PTPRD: variants seen among roughly 807,000 people sequenced by gnomAD.
The protein encoded by PTPRD is receptor-type tyrosine-protein phosphatase delta.
A neutral mutation model predicts 214.5 loss-of-function variants in PTPRD; 34 were observed. The observed-to-expected ratio is 0.16, with a 90% CI of 0.12 to 0.21. The LOEUF is 0.21. PTPRD is among the 10% of genes least tolerant of loss of function. The pLI is 1.00. For missense variants in PTPRD, 2,545 were observed against 2,398.7 expected (o/e 1.06, Z -1.27); for synonymous variants, 1,128 against 845.7 (o/e 1.33, Z -5.79).
chr9:9,343,668 A>T (rs1448479407), intron 9 of PTPRD, among the ~76,000 whole-genome samples: 1 of 152,168 alleles, frequency 6.6e-6, no homozygotes, highest in Non-Finnish European at 1.5e-5. Flanking sequence ...CATTATATCA[A>T]ACAAGCAGTG....
At chr9:8,465,422 T>C in intron 32 of PTPRD, 44 bp downstream of exon 32, 2 of 1,553,842 alleles carry the variant, frequency 1.3e-6, no homozygotes, top group African/African-American at 2.7e-5. Flanking sequence ...AGTGAAAATG[T>C]ATAAGCGTAC....
intron 8 of PTPRD, among the ~76,000 whole-genome samples, chr9:9,554,291 T>A (rs2081000999): frequency 6.6e-6 from 1 of 152,058 alleles, no homozygotes; most frequent in Non-Finnish European, 1.5e-5. Context: ...GATTTGAGCA[T>A]TTTATGGGTG....
intron 12 of PTPRD, among the ~76,000 whole-genome samples, chr9:8,708,472 G>A (rs1189449409): frequency 1.3e-5 from 2 of 151,806 alleles, no homozygotes; most frequent in Admixed American, 6.6e-5. Flanking sequence ...TCAGGAGTTC[G>A]AGACCAGCCT....
At chr9:8,759,619 T>TA (rs993754542) in intron 11 of PTPRD, among the ~76,000 whole-genome samples, 6 of 114,574 alleles carry the variant, frequency 5.2e-5, no homozygotes, top group African/African-American at 1.6e-4. Context: ...ACATTTCTTT[T>TA]TTTTTTTTTT....
intron 8 of PTPRD, among the ~76,000 whole-genome samples, chr9:9,496,953 G>A (rs62533233): frequency 0.062 from 9,422 of 152,170 alleles, 353 homozygotes; most frequent in Non-Finnish European, 0.091. Context: ...CTACAACATG[G>A]ATTTTGAGGA....
chr9:9,876,428 C>T (rs941360269), intron 5 of PTPRD, among the ~76,000 whole-genome samples: 1 of 152,006 alleles, frequency 6.6e-6, no homozygotes, highest in Non-Finnish European at 1.5e-5. Context: ...TATATTTAAA[C>T]GGAGCTGTGA....
intron 5 of PTPRD, among the ~76,000 whole-genome samples, chr9:9,928,444 T>C (rs1464523118): frequency 2.0e-5 from 3 of 152,256 alleles, no homozygotes; most frequent in Middle Eastern, 3.4e-3. Context: ...TGAACAATGC[T>C]GATTTGATGG....
chr9:10,007,238 T>C (rs2096497924), intron 4 of PTPRD, among the ~76,000 whole-genome samples: 1 of 151,996 alleles, frequency 6.6e-6, no homozygotes, highest in Admixed American at 6.6e-5. Context: ...TCATTTTGCT[T>C]CATTTTTATT....
intron 34 of PTPRD, among the ~76,000 whole-genome samples, chr9:8,444,798 T>C (rs2095663617): frequency 6.6e-6 from 1 of 152,156 alleles, no homozygotes; most frequent in South Asian, 2.1e-4. Flanking sequence ...CTAAAGTAAT[T>C]TGGAAATTGT....
chr9:8,436,111 A>G lies in PTPRD; in HGVS notation c.4086+481T>C, dbSNP rs140695142. ...TAGGAACTGAAAAATCAGAAGACAA[A>G]TACTGCATGATCTCATTTATATGTG... On this transcript the variant is annotated intron_variant, in intron 35 of 45. Coordinates refer to ENST00000381196, the MANE Select transcript of PTPRD (RefSeq NM_002839.4). 2.3e-3 allele frequency among the ~76,000 whole-genome samples: 346 copies of G among 152,304 alleles called. 1 individual carries two copies. Among genetic ancestry groups the G allele is most frequent in the African/African-American group, 7.0e-3 (292 of 41,564 alleles).
chr9:10,480,189 T>C (rs1855852), intron 2 of PTPRD, among the ~76,000 whole-genome samples: 1 of 151,938 alleles, frequency 6.6e-6, no homozygotes, highest in Non-Finnish European at 1.5e-5. Context: ...TCAGATGATG[T>C]CCTATTCTCG....
intron 9 of PTPRD, among the ~76,000 whole-genome samples, chr9:9,248,061 G>A (rs2099973840): frequency 1.3e-5 from 2 of 151,758 alleles, no homozygotes; most frequent in East Asian, 2.0e-4. Flanking sequence ...TTGAGTAAAC[G>A]GAGGAAGCAA....
intron 7 of PTPRD, among the ~76,000 whole-genome samples, chr9:9,721,019 A>T (rs866681514): frequency 6.6e-6 from 1 of 152,206 alleles, no homozygotes; most frequent in East Asian, 1.9e-4. Flanking sequence ...GGTACAAAAA[A>T]AAATAACTGT....
chr9:9,652,471 G>T (rs1191770229), intron 7 of PTPRD, among the ~76,000 whole-genome samples: 1 of 152,106 alleles, frequency 6.6e-6, no homozygotes, highest in East Asian at 1.9e-4. Context: ...CACCAACATG[G>T]TTGCAGTTGA....
intron 3 of PTPRD, among the ~76,000 whole-genome samples, chr9:10,127,330 A>C (rs902869315): frequency 6.6e-6 from 1 of 152,172 alleles, no homozygotes; most frequent in Non-Finnish European, 1.5e-5. Context: ...TTATCTCAAA[A>C]TAATGTGGCA....
chr9:10,540,605 T>C (rs1436187984), intron 2 of PTPRD, among the ~76,000 whole-genome samples: 2 of 152,204 alleles, frequency 1.3e-5, no homozygotes, highest in Non-Finnish European at 2.9e-5. Context: ...TTAGTTTGCA[T>C]TTGTAACTTA....
chr9:9,782,151 G>C (rs1273128718), intron 5 of PTPRD, among the ~76,000 whole-genome samples: 2 of 151,694 alleles, frequency 1.3e-5, no homozygotes, highest in Non-Finnish European at 2.9e-5. Flanking sequence ...TGGTTGCTTG[G>C]TTTCTTTTTC....
intron 3 of PTPRD, among the ~76,000 whole-genome samples, chr9:10,201,696 A>G (rs991360370): frequency 2.0e-5 from 3 of 152,200 alleles, no homozygotes; most frequent in African/African-American, 7.2e-5. Context: ...GGTGCTGGAT[A>G]TGTTAATTAG....
In PTPRD at chr9:8,521,374, C is replaced by G. The variant is rs201712850; in HGVS notation, c.864G>C (p.Val288=). The G allele has an allele frequency of 1.8e-5, 29 of 1,613,982 alleles. No homozygotes were observed. Among genetic ancestry groups the G allele is most frequent in the Non-Finnish European group, 2.5e-5 (29 of 1,179,928 alleles). Residue 288 remains valine, a synonymous_variant, in exon 20 of 46, where the codon GTG becomes GTC. Transcript: ENST00000381196. The part of the protein sequence containing the change: ...PEDDMPIGRN[V]LELNDVRQSA... ...ACTGTCTTACATCATTCAGTTCTAGCACATTTCTTCCTATTGGCATATCAT... is the reference window on the plus strand; with the variant it reads ...ACTGTCTTACATCATTCAGTTCTAGGACATTTCTTCCTATTGGCATATCAT...
Sources: allele counts gnomAD v4.1 joint callset (sites outside exome capture counted in the v4.1 genomes callset), GRCh38; gene constraint gnomAD v4.1.1; transcripts MANE v1.5; gene names NCBI Gene and HGNC (gene_info 2026-07-23, HGNC 2026-07-21).